Variants in RBMS2 observed in about 807,000 individuals in gnomAD.
RBMS2 encodes RNA binding motif single stranded interacting protein 2.
In RBMS2, 38 loss-of-function variants were observed where a neutral mutation model predicts 58.4. That is an observed-to-expected ratio of 0.65 (90% confidence interval 0.50 to 0.85). RBMS2 has a LOEUF of 0.85. Among genes scored for constraint, RBMS2 ranks in the 40% least tolerant of loss-of-function variants. RBMS2 has a pLI of 0.00. For synonymous variants in RBMS2, 151 were observed against 180.7 expected, an observed-to-expected ratio of 0.84 and a Z score of 1.32; for missense variants, 367 against 503.7, an observed-to-expected ratio of 0.73 and a Z score of 2.60.
intron 1 of RBMS2, among the ~76,000 whole-genome samples, chr12:56,543,278 T>C (rs1168102850): frequency 6.8e-6 from 1 of 147,124 alleles, no homozygotes; most frequent in South Asian, 2.2e-4. Context: ...ACGTCAGGAG[T>C]TCGAGACCAG....
chr12:56,544,754 A>ATTTTTTTTTTTTTT (rs537510847), intron 1 of RBMS2, among the ~76,000 whole-genome samples: 7 of 116,076 alleles, frequency 6.0e-5, no homozygotes, highest in Non-Finnish European at 8.6e-5. Flanking sequence ...CTAATTTTTA[A>ATTTTTTTTTTTTTT]TTTTTTTTTT....
In RBMS2 at chr12:56,594,216, C is replaced by T. The variant is rs1212906115; in HGVS notation, c.*5083C>T. On this transcript the variant is annotated 3_prime_UTR_variant, in exon 14 of 14. Transcript: ENST00000262031. ...CTGTGAGAGGCCTTGCTGGAATGTCCTAGGAATCCCTAGTAGCAGTGGCTA... is the reference window on the plus strand; with the variant it reads ...CTGTGAGAGGCCTTGCTGGAATGTCTTAGGAATCCCTAGTAGCAGTGGCTA... 2 of 152,156 alleles carry T rather than the reference C, an allele frequency of 1.3e-5. No individual in the cohort carries two copies. Among genetic ancestry groups the T allele is most frequent in the East Asian group, 3.9e-4 (2 of 5,188 alleles). The allele number at this position is 152,156 out of a possible 1,614,324, so 9.4% of individuals were successfully genotyped here. A position where few individuals can be genotyped will look rare whatever the true frequency, so the allele number is the denominator to read the frequency against.
chr12:56,575,711 G>A (rs977455084), intron 5 of RBMS2, among the ~76,000 whole-genome samples: 1 of 151,810 alleles, frequency 6.6e-6, no homozygotes, highest in East Asian at 2.0e-4. Context: ...CCTGACCAAC[G>A]TGGAAAAACC....
chr12:56,553,728 A>G (rs1194169521), intron 1 of RBMS2, among the ~76,000 whole-genome samples: 1 of 151,994 alleles, frequency 6.6e-6, no homozygotes, highest in East Asian at 1.9e-4. Flanking sequence ...TGGTCTCCCA[A>G]AGTGCTGAGA....
intron 1 of RBMS2, among the ~76,000 whole-genome samples, chr12:56,557,309 AT>A (rs1879407114): frequency 6.6e-6 from 1 of 152,182 alleles, no homozygotes; most frequent in Non-Finnish European, 1.5e-5. Context: ...AGGAAGCCAG[AT>A]AAGCTTTACT....
chr12:56,554,727 TTAAAA>T (rs1460925896), intron 1 of RBMS2, among the ~76,000 whole-genome samples: 2 of 152,072 alleles, frequency 1.3e-5, no homozygotes, highest in Non-Finnish European at 2.9e-5. Context: ...ATCCTGAAAC[TTAAAA>T]TAAAATGTTT....
rs927114541 is a variant in RBMS2 at position 56,593,446 on chromosome 12, C to G, written c.*4313C>G. On this transcript the variant is annotated 3_prime_UTR_variant, in exon 14 of 14. Transcript: ENST00000262031. ...ACAGGTTTTCGCCATGTTGCCCAGC[C>G]TCGTCTCGAACTCCTGGGCTCAAAT... The G allele has an allele frequency of 6.6e-6, 1 of 152,270 alleles. No individual in the cohort carries two copies. Among genetic ancestry groups the G allele is most frequent in the African/African-American group, 2.4e-5 (1 of 41,444 alleles). 9.4% of individuals were successfully genotyped at this position (152,270 alleles called of 1,614,324 possible). A position where few individuals can be genotyped will look rare whatever the true frequency, so the allele number is the denominator to read the frequency against.
Position 56,587,549 on chromosome 12 carries a change from T to C in RBMS2, c.952-5T>C. The C allele has an allele frequency of 6.2e-7, 1 of 1,613,214 alleles. No individual in the cohort carries two copies. Among genetic ancestry groups the C allele is most frequent in the African/African-American group, 1.3e-5 (1 of 75,014 alleles). ...GCTAACCCTGTCCTTTGTTGCTGCC[T>C]CTAGGGTTCAGTTCTGACACCAGGG... On this transcript the variant is annotated splice_region_variant and splice_polypyrimidine_tract_variant and intron_variant, in intron 10 of 13. Coordinates refer to ENST00000262031, the MANE Select transcript of RBMS2 (RefSeq NM_002898.4).
At chr12:56,566,162 A>G (rs1435117215) in intron 2 of RBMS2, among the ~76,000 whole-genome samples, 2 of 152,170 alleles carry the variant, frequency 1.3e-5, no homozygotes, top group Non-Finnish European at 2.9e-5. Flanking sequence ...TATTCTGTCT[A>G]ATCCTTTGGA....
chr12:56,555,368 A>C (rs1879042698), intron 1 of RBMS2, among the ~76,000 whole-genome samples: 1 of 150,276 alleles, frequency 6.7e-6, no homozygotes, highest in Non-Finnish European at 1.5e-5. Flanking sequence ...TGAACCCAGG[A>C]GGCGGAGGTT....
At chr12:56,531,922 T>TA (rs1001862191) in intron 1 of RBMS2, among the ~76,000 whole-genome samples, 2 of 151,776 alleles carry the variant, frequency 1.3e-5, no homozygotes, top group East Asian at 1.9e-4. Context: ...TTCTCTTATT[T>TA]AAAAAAAACA....
At chr12:56,530,350 C>CTTT (rs71081373) in intron 1 of RBMS2, among the ~76,000 whole-genome samples, 8 of 63,780 alleles carry the variant, frequency 1.3e-4, no homozygotes, top group Non-Finnish European at 1.5e-4. Flanking sequence ...TTTCTTTTTC[C>CTTT]TTTTTTTTTT....
In RBMS2 at chr12:56,591,866, T is replaced by C. The variant is rs1425492805; in HGVS notation, c.*2733T>C. On this transcript the variant is annotated 3_prime_UTR_variant, in exon 14 of 14. Coordinates refer to ENST00000262031, the MANE Select transcript of RBMS2 (RefSeq NM_002898.4). ...GGAGTTCTTCTCATGTGAATCTACT[T>C]GTTAGATTGTATTAATGAGTGTTTC... 1 of 152,222 alleles carries C rather than the reference T, an allele frequency of 6.6e-6. No homozygotes were observed. The highest frequency in any genetic ancestry group is 1.5e-5 in the Non-Finnish European group (1 of 68,044). The allele number at this position is 152,222 out of a possible 1,614,324, so 9.4% of individuals were successfully genotyped here. A position where few individuals can be genotyped will look rare whatever the true frequency, so the allele number is the denominator to read the frequency against.
At chr12:56,566,686 C>T (rs1248144290) in intron 2 of RBMS2, among the ~76,000 whole-genome samples, 6 of 152,070 alleles carry the variant, frequency 3.9e-5, no homozygotes, top group South Asian at 4.2e-4. Flanking sequence ...GGTGTGGTGG[C>T]GCATGCCTGT....
chr12:56,534,774 A>T (rs2638302), intron 1 of RBMS2, among the ~76,000 whole-genome samples: 92,410 of 151,880 alleles, frequency 0.61, 29,047 homozygotes, highest in East Asian at 0.75. Flanking sequence ...CCCGAATAGC[A>T]GGGACTACAG....
At chr12:56,552,197 A>G (rs1157110537) in intron 1 of RBMS2, among the ~76,000 whole-genome samples, 4 of 152,196 alleles carry the variant, frequency 2.6e-5, no homozygotes, top group African/African-American at 9.6e-5. Flanking sequence ...AAGTTCTAGT[A>G]TTTCACTGAT....
In RBMS2 at chr12:56,571,722, T is replaced by G. The variant is rs969437887; in HGVS notation, c.409T>G (p.Leu137Val). ...GCAACAGGAACAGGACCCCACAAAT[T>G]TATACATCTCAAACCTCCCACTGTC... ...AKQQEQDPTN[L>V]YISNLPLSMD... is the part of the protein sequence containing the mutation. The change falls in exon 5 of 14, where the codon TTA becomes GTA. Residue 137 changes from leucine (L) to valine (V), a missense_variant. Coordinates refer to ENST00000262031, the MANE Select transcript of RBMS2 (RefSeq NM_002898.4). The G allele has an allele frequency of 1.9e-6, 3 of 1,572,906 alleles. No individual in the cohort carries two copies. The highest frequency in any genetic ancestry group is 2.6e-6 in the Non-Finnish European group (3 of 1,159,928).
rs1164155079 is a variant in RBMS2, at chr12:56,533,408, CTTT to C, written c.66+11342_66+11344del. ...TGAGCCGCGGCACCCAGCCCTATTA[CTTT>C]TTTTTTTTTTTTTTTTTTTTTTGAG... is the stretch of plus-strand genomic sequence containing the variant. On this transcript the variant is annotated intron_variant, in intron 1 of 13. Transcript: ENST00000262031. Among the ~76,000 whole-genome samples, 161 of 65,298 alleles carry C rather than the reference CTTT, an allele frequency of 2.5e-3. 3 individuals are homozygous for C. The Admixed American group carries it at 0.026, about 10-fold the overall frequency. The allele number at this position is 65,298 out of a possible 152,430, so 42.8% of individuals were successfully genotyped here. A position where few individuals can be genotyped will look rare whatever the true frequency, so the allele number is the denominator to read the frequency against.
intron 1 of RBMS2, among the ~76,000 whole-genome samples, chr12:56,529,104 CA>C (rs1873214076): frequency 6.6e-6 from 1 of 152,036 alleles, no homozygotes; most frequent in South Asian, 2.1e-4. Flanking sequence ...GAAATGGAAA[CA>C]TATGTTACAC....
Sources: allele counts gnomAD v4.1 joint callset (sites outside exome capture counted in the v4.1 genomes callset), GRCh38; gene constraint gnomAD v4.1.1; transcripts MANE v1.5; gene names NCBI Gene and HGNC (gene_info 2026-07-23, HGNC 2026-07-21).